Variants in AMBRA1 observed in about 807,000 individuals in gnomAD.
AMBRA1 encodes the protein autophagy and beclin 1 regulator 1.
AMBRA1 carries 47 observed loss-of-function variants against 125.4 expected under a neutral mutation model. The observed-to-expected ratio is 0.37, with a 90% CI of 0.30 to 0.48. The LOEUF (loss-of-function observed/expected upper bound fraction) is 0.48, where lower values mean the gene tolerates loss of function less well. Among genes scored for constraint, AMBRA1 ranks in the 20% least tolerant of loss-of-function variants. AMBRA1 has a pLI of 0.99. For synonymous variants in AMBRA1, 626 were observed against 655.5 expected, an observed-to-expected ratio of 0.95 and a Z score of 0.69; for missense variants, 1,331 against 1,693.4, an observed-to-expected ratio of 0.79 and a Z score of 3.76.
At chr11:46,571,374 A>G (rs1294971319) in intron 1 of AMBRA1, among the ~76,000 whole-genome samples, 1 of 152,214 alleles carries the variant, frequency 6.6e-6, no homozygotes, top group Non-Finnish European at 1.5e-5. Context: ...ATCATTTTGA[A>G]CATAAAATCT....
intron 7 of AMBRA1, among the ~76,000 whole-genome samples, chr11:46,516,455 G>A (rs1951491419): frequency 7.5e-6 from 1 of 133,772 alleles, no homozygotes; most frequent in African/African-American, 2.8e-5. Flanking sequence ...TTTTGAGACG[G>A]TGTCTCGCTC....
chr11:46,513,507 TCAC>T (rs899136526), intron 7 of AMBRA1, among the ~76,000 whole-genome samples: 6 of 152,238 alleles, frequency 3.9e-5, no homozygotes, highest in African/African-American at 1.4e-4. Flanking sequence ...TGTTTAAACC[TCAC>T]CACAACCTAG....
At chr11:46,558,207 C>G (rs1209365315) in intron 1 of AMBRA1, among the ~76,000 whole-genome samples, 1 of 152,116 alleles carries the variant, frequency 6.6e-6, no homozygotes, top group Non-Finnish European at 1.5e-5. Context: ...TTGTTTTAAG[C>G]CACCAATTTT....
rs149370911 is a variant in AMBRA1, at chr11:46,542,945, T to C, written c.1072A>G (p.Thr358Ala). 14 of 1,608,606 alleles carry C rather than the reference T, an allele frequency of 8.7e-6. No homozygotes were observed. The African/African-American group carries it at 1.5e-4, about 17-fold the overall frequency. The change falls in exon 7 of 18, where the codon ACG becomes GCG. Residue 358 changes from threonine (T) to alanine (A), a missense_variant. Physicochemically the swap from Thr to Ala is moderately conservative, Grantham distance 58 (BLOSUM62 0). Transcript: ENST00000683756. This position sits in a 1 kb window ranked among gnomAD's most constrained non-coding sequence, Gnocchi z 5.9. Reference sequence around the variant, plus strand: ...TTCAGGAGGCCCTGGTCCTGCTGCGTTGACGAGGCCTGCTCCGGGGGATGG... The same window carrying C: ...TTCAGGAGGCCCTGGTCCTGCTGCGCTGACGAGGCCTGCTCCGGGGGATGG... ...PFHPPEQASSTQQDQGLLNRP... is the reference protein window; with the variant it reads ...PFHPPEQASSAQQDQGLLNRP...
intron 11 of AMBRA1, among the ~76,000 whole-genome samples, chr11:46,465,062 TA>T (rs1054506327): frequency 1.3e-5 from 2 of 149,916 alleles, no homozygotes; most frequent in Admixed American, 1.3e-4. Flanking sequence ...AAATAAAAAA[TA>T]AAAAAAAATA....
At chr11:46,466,636 A>G (rs1257144131) in intron 11 of AMBRA1, among the ~76,000 whole-genome samples, 12 of 152,252 alleles carry the variant, frequency 7.9e-5, no homozygotes, top group Admixed American at 7.8e-4. Flanking sequence ...GGAACTTGTC[A>G]TCTGTGTGGC....
At chr11:46,439,558 T>C (rs61882705) in intron 12 of AMBRA1, among the ~76,000 whole-genome samples, 2 of 152,096 alleles carry the variant, frequency 1.3e-5, no homozygotes, top group South Asian at 2.1e-4. Context: ...GACTTAACTA[T>C]TAAAAAACTA....
intron 11 of AMBRA1, among the ~76,000 whole-genome samples, chr11:46,463,749 CG>C (rs1337545090): frequency 6.6e-6 from 1 of 152,172 alleles, no homozygotes; most frequent in Non-Finnish European, 1.5e-5. Context: ...GCACAGTACT[CG>C]GGGCCCTAAG....
chr11:46,587,758 TCCATAAGGAGA>T (rs1328620563), intron 1 of AMBRA1, among the ~76,000 whole-genome samples: 1 of 152,160 alleles, frequency 6.6e-6, no homozygotes, highest in Non-Finnish European at 1.5e-5. Context: ...TGGAATAAAC[TCCATAAGGAGA>T]CCATAAGAAC....
Position 46,425,310 on chromosome 11 carries a change from TTGTGTGTG to T in AMBRA1, c.2977-7266_2977-7259del, listed in dbSNP as rs34321655. Among the ~76,000 whole-genome samples the T allele has an allele frequency of 9.1e-3, 1,238 of 135,586 alleles. 10 individuals are homozygous for T. The highest frequency in any genetic ancestry group is 0.013 in the African/African-American group (448 of 33,380). 88.9% of individuals were successfully genotyped at this position (135,586 alleles called of 152,430 possible). On this transcript the variant is annotated intron_variant, in intron 14 of 17. Coordinates refer to ENST00000683756, the MANE Select transcript of AMBRA1 (RefSeq NM_001387011.1). ...CTTCTGTATCTTTTGCTTGATCCAT[TTGTGTGTG>T]TGTGTGTGTGTGTGTGTGTGTGTGT...
chr11:46,589,236 T>TC (rs1471515462), intron 1 of AMBRA1, among the ~76,000 whole-genome samples: 1 of 152,158 alleles, frequency 6.6e-6, no homozygotes, highest in African/African-American at 2.4e-5. Flanking sequence ...AAAATTTTTA[T>TC]CCATCAGTAA....
chr11:46,487,628 G>C (rs1335038936), intron 11 of AMBRA1, among the ~76,000 whole-genome samples: 1 of 151,926 alleles, frequency 6.6e-6, no homozygotes, highest in Non-Finnish European at 1.5e-5. Context: ...TATCTTACCA[G>C]AATTAAGTCT....
intron 1 of AMBRA1, among the ~76,000 whole-genome samples, chr11:46,586,018 G>A (rs554932632): frequency 1.3e-5 from 2 of 151,774 alleles, no homozygotes; most frequent in East Asian, 2.0e-4. Flanking sequence ...TGGTCAGGCT[G>A]GTCATGAACT....
intron 11 of AMBRA1, among the ~76,000 whole-genome samples, chr11:46,466,213 G>A (rs1022825405): frequency 3.3e-5 from 5 of 152,192 alleles, no homozygotes; most frequent in African/African-American, 1.2e-4. Flanking sequence ...CAGGCGTGCT[G>A]GCACACGCCT....
At chr11:46,425,227 T>C (rs551131294) in intron 14 of AMBRA1, among the ~76,000 whole-genome samples, 4 of 152,282 alleles carry the variant, frequency 2.6e-5, no homozygotes, top group Admixed American at 2.0e-4. Context: ...TGTGTCTTTC[T>C]ACATCTCAAA....
chr11:46,479,267 C>T (rs1949958477), intron 11 of AMBRA1, among the ~76,000 whole-genome samples: 1 of 152,192 alleles, frequency 6.6e-6, no homozygotes, highest in East Asian at 1.9e-4. Flanking sequence ...ATTTCAAAGC[C>T]TACTTAGTTG....
chr11:46,507,612 C>T (rs1459971007), intron 9 of AMBRA1, among the ~76,000 whole-genome samples: 1 of 152,166 alleles, frequency 6.6e-6, no homozygotes, highest in African/African-American at 2.4e-5. Flanking sequence ...AATCATTTCT[C>T]AACCCACCAC....
chr11:46,500,122 G>C (rs931076228), intron 9 of AMBRA1, among the ~76,000 whole-genome samples: 2 of 152,182 alleles, frequency 1.3e-5, no homozygotes. Context: ...GCCAAGACTA[G>C]AACCCAGGAC....
In AMBRA1 at chr11:46,551,145, GA is replaced by G. The variant is rs564930423; in HGVS notation, c.-120-2646del. On this transcript the variant is annotated intron_variant, in intron 1 of 17. Coordinates refer to ENST00000683756, the MANE Select transcript of AMBRA1 (RefSeq NM_001387011.1). ...AGATGTCCAAAATATATTGTCGAGA[GA>G]AAAAAAGCAAGGTACAAAACAATAT... 3.1e-4 allele frequency among the ~76,000 whole-genome samples: 46 copies of G among 148,370 alleles called. No individual in the cohort carries two copies. In the East Asian group the frequency reaches 7.6e-3, roughly 25 times the overall value.
Sources: allele counts gnomAD v4.1 joint callset (sites outside exome capture counted in the v4.1 genomes callset), GRCh38; gene constraint gnomAD v4.1.1; non-coding constraint Gnocchi (gnomAD v3.1); transcripts MANE v1.5; gene names NCBI Gene and HGNC (gene_info 2026-07-23, HGNC 2026-07-21).